RIPK3: variants seen among roughly 807,000 people sequenced by gnomAD.
RIPK3 encodes the protein receptor-interacting serine/threonine-protein kinase 3.
A neutral mutation model predicts 51.6 loss-of-function variants in RIPK3; 51 were observed. The ratio of observed to expected loss-of-function variants is 0.99; its 90% CI spans 0.79 to 1.25. The LOEUF (loss-of-function observed/expected upper bound fraction) is 1.25. Among genes scored for constraint, RIPK3 ranks in the 50% most tolerant of loss-of-function variants. The pLI, the probability that RIPK3 is intolerant of heterozygous loss-of-function variation, is 0.00. For missense variants in RIPK3, 654 were observed against 650.4 expected (o/e 1.01, Z -0.06); for synonymous variants, 246 against 257.7 (o/e 0.95, Z 0.44).
At position 24,339,413 on chromosome 14, in the gene RIPK3, C is replaced by A. The variant is rs1311383307; in HGVS notation, c.161+44G>T. On this transcript the variant is annotated intron_variant, in intron 2 of 9. Transcript: ENST00000216274. The surrounding 1 kb of genome is among the most constrained non-coding windows in gnomAD (Gnocchi z 4.0). ...CAGGCCCCAGAGCACAGTGGCTCCA[C>A]CTTTTTGGCCAGATTGCGGCTGGGG... is the stretch of plus-strand genomic sequence containing the variant. 2.5e-6 allele frequency: 4 copies of A among 1,613,888 alleles called. No individual in the cohort carries two copies. The Admixed American group carries it at 5.0e-5, about 20-fold the overall frequency.
chr14:24,339,026 G>C lies in RIPK3; in HGVS notation c.460C>G (p.Leu154Val). The change falls in exon 3 of 10, where the codon CTG becomes GTG. Residue 154 changes from leucine to valine, a missense_variant. Transcript: ENST00000216274. The surrounding 1 kb of genome is among the most constrained non-coding windows in gnomAD (Gnocchi z 4.0). Reference protein sequence around the residue: ...KPSNVLLDPELHVKLADFGLS... With the variant: ...KPSNVLLDPEVHVKLADFGLS... Reference sequence around the variant, plus strand: ...GTAGACCAGCTGACCTTGACGTGCAGCTCTGGGTCCAGCAGGACGTTGGAT... The same window carrying C: ...GTAGACCAGCTGACCTTGACGTGCACCTCTGGGTCCAGCAGGACGTTGGAT... 1 of 1,613,852 alleles carries C rather than the reference G, an allele frequency of 6.2e-7. No homozygotes were observed. Among genetic ancestry groups the C allele is most frequent in the Non-Finnish European group, 8.5e-7 (1 of 1,179,704 alleles).
In RIPK3 at chr14:24,339,790, T is replaced by C; in HGVS notation, c.20+17A>G. ...TGAATGTCGGAGGCTGCGATCGACA[T>C]GCCACTCCCTACTCACCATAACTTG... On this transcript the variant is annotated intron_variant, in intron 1 of 9. Coordinates refer to ENST00000216274, the MANE Select transcript of RIPK3 (RefSeq NM_006871.4). The surrounding 1 kb of genome is among the most constrained non-coding windows in gnomAD (Gnocchi z 4.0). The C allele has an allele frequency of 6.3e-7, 1 of 1,575,966 alleles. No homozygotes were observed. The highest frequency in any genetic ancestry group is 8.6e-7 in the Non-Finnish European group (1 of 1,161,802).
In RIPK3 at chr14:24,339,064, C is replaced by A; in HGVS notation, c.422G>T (p.Arg141Leu). 6.2e-7 allele frequency: 1 copy of A among 1,614,144 alleles called. No homozygotes were observed. The highest frequency in any genetic ancestry group is 8.5e-7 in the Non-Finnish European group (1 of 1,180,010). The change falls in exon 3 of 10, where the codon CGG becomes CTG. Residue 141 changes from arginine (R) to leucine (L), a missense_variant. Arg to Leu is a moderately radical substitution (Grantham distance 102). Transcript: ENST00000216274. This position sits in a 1 kb window ranked among gnomAD's most constrained non-coding sequence, Gnocchi z 4.0. ...CAGGACGTTGGATGGCTTGAGGTCCCGGTGCAGGAGCACCGGGTTCTGGTC... is the reference window on the plus strand; with the variant it reads ...CAGGACGTTGGATGGCTTGAGGTCCAGGTGCAGGAGCACCGGGTTCTGGTC... ...LHDQNPVLLHRDLKPSNVLLD... is the reference protein window; with the variant it reads ...LHDQNPVLLHLDLKPSNVLLD...
rs373254326 is a variant in RIPK3, at chr14:24,339,572, C to A, written c.46G>T (p.Val16Leu). The A allele has an allele frequency of 6.2e-7, 1 of 1,614,224 alleles. No homozygotes were observed. Residue 16 changes from valine (V) to leucine (L), a missense_variant, in exon 2 of 10, where the codon GTG becomes TTG. Transcript: ENST00000216274. The surrounding 1 kb of genome is among the most constrained non-coding windows in gnomAD (Gnocchi z 4.0). ...TGGTTCTCCAGTTCCTCGATGGACA[C>A]CAAGGGGGCGGGGGCACCGCTGGGC... is the stretch of plus-strand genomic sequence containing the variant. ...LWPSGAPAPL[V>L]SIEELENQEL... is the part of the protein sequence containing the mutation.
At position 24,339,290 on chromosome 14, in the gene RIPK3, T is replaced by G; in HGVS notation, c.196A>C (p.Ser66Arg). The G allele has an allele frequency of 7.4e-6, 12 of 1,613,464 alleles. No individual in the cohort carries two copies. Among genetic ancestry groups the G allele is most frequent in the Non-Finnish European group, 9.3e-6 (11 of 1,179,466 alleles). ...CGCAGCACGAATTCGTTATCCAGAC[T>G]TGCCATGGCCTTGACCTCCCTGGAT... Reference protein sequence around the residue: ...AISREVKAMASLDNEFVLRLE... With the variant: ...AISREVKAMARLDNEFVLRLE... Residue 66 changes from serine to arginine, a missense_variant, in exon 3 of 10, where the codon AGT becomes CGT. Ser to Arg is a moderately radical substitution (Grantham distance 110). Coordinates refer to ENST00000216274, the MANE Select transcript of RIPK3 (RefSeq NM_006871.4). This position sits in a 1 kb window ranked among gnomAD's most constrained non-coding sequence, Gnocchi z 4.0.
At chr14:24,338,172 C>T (rs531752047) in intron 5 of RIPK3, 77 bp downstream of exon 5, 67 of 1,548,228 alleles carry the variant, frequency 4.3e-5, no homozygotes, top group African/African-American at 2.0e-4. Context: ...AGTAGGTGAG[C>T]GGGAAGGGGA....
At chr14:24,338,806 A>G in intron 3 of RIPK3, 1 of 683,132 alleles carries the variant, frequency 1.5e-6, no homozygotes, top group Non-Finnish European at 2.4e-6. Context: ...CAGCTGGTGG[A>G]AATGACTCGT....
In RIPK3 at chr14:24,339,502, T is replaced by C. The variant is rs2042168247; in HGVS notation, c.116A>G (p.Gln39Arg). 2.5e-6 allele frequency: 4 copies of C among 1,614,200 alleles called. No individual in the cohort carries two copies. Among genetic ancestry groups the C allele is most frequent in the Non-Finnish European group, 2.5e-6 (3 of 1,180,030 alleles). Residue 39 changes from glutamine to arginine, a missense_variant, in exon 2 of 10, where the codon CAA (glutamine) becomes CGA (arginine). Gln to Arg is a conservative substitution (Grantham distance 43). Transcript: ENST00000216274. This position sits in a 1 kb window ranked among gnomAD's most constrained non-coding sequence, Gnocchi z 4.0. ...KGGFGTVFRA[Q>R]HRKWGYDVAV... ...CACATCGTAGCCCCACTTCCTATGT[T>C]GCGCCCGGAACACTGTGCCGAACCC...
chr14:24,336,457 T>C, intron 9 of RIPK3, 62 bp from the exon 10 acceptor site: 1 of 1,575,914 alleles, frequency 6.3e-7, no homozygotes, highest in Non-Finnish European at 8.6e-7. Context: ...AAGTTGGGGG[T>C]GGGTGGGGAG....
Position 24,338,496 on chromosome 14 carries a change from G to A in RIPK3, c.543C>T (p.Gly181=). The change falls in exon 4 of 10, where the codon GGC becomes GGT. Residue 181 remains glycine (G), a synonymous_variant. Coordinates refer to ENST00000216274, the MANE Select transcript of RIPK3 (RefSeq NM_006871.4). ...QSGTGSGEPG[G]TLGYLAPELF... ...GTTCTGGGGCCAAGTAGCCCAGGGT[G>A]CCCCCTGGCTCCCCGGACCCTGTCC... The A allele has an allele frequency of 3.1e-6, 5 of 1,613,806 alleles. No homozygotes were observed. The South Asian group carries it at 4.4e-5, about 14-fold the overall frequency.
rs2042151838 is a variant in RIPK3 at position 24,337,941 on chromosome 14, A to G, written c.764T>C (p.Leu255Ser). ...CTGCATTAGCTCCTTCAGTCCTTCT[A>G]AGCCGGGAGTCTCAGGCCCGGCTTG... ...LPQAGPETPG[L>S]EGLKELMQLC... is the part of the protein sequence containing the mutation. Residue 255 changes from leucine (L) to serine (S), a missense_variant, in exon 6 of 10, where the codon TTA (leucine) becomes TCA (serine). Coordinates refer to ENST00000216274, the MANE Select transcript of RIPK3 (RefSeq NM_006871.4). 1 of 1,614,048 alleles carries G rather than the reference A, an allele frequency of 6.2e-7. No individual in the cohort carries two copies. Among genetic ancestry groups the G allele is most frequent in the Admixed American group, 1.7e-5 (1 of 59,996 alleles).
At position 24,338,598 on chromosome 14, in the gene RIPK3, G is replaced by A. The variant is rs767185881; in HGVS notation, c.472-31C>T. ...AAGGAAGGAAAGAAGTGGGAGGTAG[G>A]GAAGACAAGGGGGCCAGAGAGCCTC... On this transcript the variant is annotated intron_variant, in intron 3 of 9. Transcript: ENST00000216274. 3.0e-5 allele frequency: 48 copies of A among 1,578,882 alleles called. No homozygotes were observed. In the East Asian group the frequency reaches 5.9e-4, roughly 19 times the overall value.
In RIPK3 at chr14:24,337,692, C is replaced by T. The variant is rs748324721; in HGVS notation, c.900+3G>A. The T allele has an allele frequency of 6.2e-7, 1 of 1,609,092 alleles. No homozygotes were observed. Among genetic ancestry groups the T allele is most frequent in the Non-Finnish European group, 8.5e-7 (1 of 1,175,600 alleles). ...CCTGGGGAGGGGTGATGTTGGCACT[C>T]ACCGTGGAGACAGCAGCATTCATAT... On this transcript the variant is annotated splice_donor_region_variant and intron_variant, in intron 7 of 9. Coordinates refer to ENST00000216274, the MANE Select transcript of RIPK3 (RefSeq NM_006871.4).
rs2042130478 is a variant in RIPK3, at chr14:24,336,085, G to A, written c.*90C>T. On this transcript the variant is annotated 3_prime_UTR_variant, in exon 10 of 10. Coordinates refer to ENST00000216274, the MANE Select transcript of RIPK3 (RefSeq NM_006871.4). ...AGGTCACAAAGTCAGTTTGTGGGCA[G>A]GCCAGACTGCCCTAGAAGGAAGTCA... The A allele has an allele frequency of 7.3e-7, 1 of 1,366,860 alleles. No homozygotes were observed. Among genetic ancestry groups the A allele is most frequent in the Non-Finnish European group, 1.0e-6 (1 of 1,000,464 alleles). The allele number at this position is 1,366,860 out of a possible 1,614,324, so 84.7% of individuals were successfully genotyped here.
chr14:24,336,780 T>A, intron 9 of RIPK3, 105 bp downstream of exon 9: 1 of 1,071,086 alleles, frequency 9.3e-7, no homozygotes, highest in Non-Finnish European at 1.5e-6. Flanking sequence ...TTAGATCATC[T>A]TCTCCCCTCC....
chr14:24,338,104 T>C, intron 5 of RIPK3, 64 bp from the exon 6 acceptor site: 1 of 1,611,904 alleles, frequency 6.2e-7, no homozygotes, highest in Non-Finnish European at 8.5e-7. Context: ...ATCTGCTTCA[T>C]CATGGAAAGA....
rs772528064 is a variant in RIPK3, at chr14:24,338,910, C to G, written c.471+105G>C. ...GCCCTGTGTCCAGAGAGAGAGGCTA[C>G]GCCTATTCAATAGACAGGGCTCTGG... On this transcript the variant is annotated intron_variant, in intron 3 of 9. Transcript: ENST00000216274. 3 of 939,490 alleles carry G rather than the reference C, an allele frequency of 3.2e-6. No homozygotes were observed. The South Asian group carries it at 4.3e-5, about 14-fold the overall frequency. 58.2% of individuals were successfully genotyped at this position (939,490 alleles called of 1,614,324 possible). A position where few individuals can be genotyped will look rare whatever the true frequency, so the allele number is the denominator to read the frequency against.
chr14:24,336,132 C>G lies in RIPK3; in HGVS notation c.*43G>C. On this transcript the variant is annotated 3_prime_UTR_variant, in exon 10 of 10. Transcript: ENST00000216274. ...GTCAGGGGCCTCAAGGGGTGGCACT[C>G]TTCCTTAACTCGTAACTCTTGGAGG... 6.3e-7 allele frequency: 1 copy of G among 1,587,050 alleles called. No homozygotes were observed. The highest frequency in any genetic ancestry group is 8.6e-7 in the Non-Finnish European group (1 of 1,164,682).
chr14:24,337,410 G>A lies in RIPK3; in HGVS notation c.951C>T (p.Ile317=). The A allele has an allele frequency of 6.2e-7, 1 of 1,613,994 alleles. No homozygotes were observed. Among genetic ancestry groups the A allele is most frequent in the Non-Finnish European group, 8.5e-7 (1 of 1,179,924 alleles). ...QLRSSNRRFS[I]PESGQGGTEM... ...CTGTCCCTCCTTGGCCTGACTCTGG[G>A]ATAGAAAATCTCCTATTGCTGCTCC... The change falls in exon 8 of 10, where the codon ATC becomes ATT. Residue 317 remains isoleucine, a synonymous_variant. Transcript: ENST00000216274.
Sources: allele counts gnomAD v4.1 joint callset, GRCh38; gene constraint gnomAD v4.1.1; non-coding constraint Gnocchi (gnomAD v3.1); transcripts MANE v1.5; gene names NCBI Gene and HGNC (gene_info 2026-07-23, HGNC 2026-07-21).